Variants in ENTREP2 observed in about 807,000 individuals in gnomAD.
ENTREP2 encodes the protein endosomal transmembrane epsin interactor 2.
the ENTREP2 span, among the ~76,000 whole-genome samples, chr15:29,306,364 C>T: frequency 7.2e-5 from 11 of 152,128 alleles, no homozygotes; most frequent in African/African-American, 2.4e-5. Flanking sequence ...CAAGGCGGTG[C>T]ACCTGAATAT....
chr15:29,273,216 T>TTTTA, the ENTREP2 span, among the ~76,000 whole-genome samples: 1 of 151,056 alleles, frequency 6.6e-6, no homozygotes, highest in African/African-American at 2.4e-5. Flanking sequence ...TTTTTTTTTT[T>TTTTA]GAGATGGAGT....
the ENTREP2 span, among the ~76,000 whole-genome samples, chr15:29,626,912 CTG>C: frequency 6.6e-6 from 1 of 152,028 alleles, no homozygotes; most frequent in African/African-American, 2.4e-5. Flanking sequence ...TAAAAATAAA[CTG>C]TCTTTATTGT....
At chr15:29,298,809 C>A in the ENTREP2 span, among the ~76,000 whole-genome samples, 1 of 152,164 alleles carries the variant, frequency 6.6e-6, no homozygotes, top group Non-Finnish European at 1.5e-5. Flanking sequence ...TACTACCAGT[C>A]TTACATGAAC....
At chr15:29,293,536 A>C in the ENTREP2 span, among the ~76,000 whole-genome samples, 8 of 151,908 alleles carry the variant, frequency 5.3e-5, no homozygotes, top group Admixed American at 1.3e-4. Context: ...GATTACAGGC[A>C]TGAGCCACCG....
the ENTREP2 span, among the ~76,000 whole-genome samples, chr15:29,453,462 G>A: frequency 1.3e-5 from 2 of 152,186 alleles, no homozygotes; most frequent in South Asian, 2.1e-4. Flanking sequence ...AGGATTCTTC[G>A]CAGAGGTCTG....
the ENTREP2 span, among the ~76,000 whole-genome samples, chr15:29,124,518 C>G: frequency 2.0e-5 from 3 of 152,056 alleles, no homozygotes; most frequent in African/African-American, 4.8e-5. Context: ...ATAAGTGCAC[C>G]GAGAGACAAA....
At chr15:29,347,240 T>C in the ENTREP2 span, among the ~76,000 whole-genome samples, 1 of 152,222 alleles carries the variant, frequency 6.6e-6, no homozygotes, top group African/African-American at 2.4e-5. Flanking sequence ...AGCTTCACCA[T>C]TATAGCTCAC....
chr15:29,420,233 G>GA, the ENTREP2 span, among the ~76,000 whole-genome samples: 1 of 152,210 alleles, frequency 6.6e-6, no homozygotes, highest in African/African-American at 2.4e-5. Flanking sequence ...TAGATATGCT[G>GA]AAAGGAAGCA....
the ENTREP2 span, among the ~76,000 whole-genome samples, chr15:29,398,852 G>A: frequency 2.0e-5 from 3 of 152,198 alleles, no homozygotes; most frequent in Non-Finnish European, 4.4e-5. Flanking sequence ...TTGGGCCGTG[G>A]GTGGGACTGT....
chr15:29,653,231 A>AT, the ENTREP2 span, among the ~76,000 whole-genome samples: 1 of 152,222 alleles, frequency 6.6e-6, no homozygotes, highest in African/African-American at 2.4e-5. Context: ...CACCACACTG[A>AT]TTAATACTTG....
the ENTREP2 span, among the ~76,000 whole-genome samples, chr15:29,300,509 G>T: frequency 1.3e-5 from 2 of 152,286 alleles, no homozygotes; most frequent in African/African-American, 4.8e-5. Flanking sequence ...TGGAATATAT[G>T]TTGCTATTAG....
At chr15:29,673,785 T>A in the ENTREP2 span, among the ~76,000 whole-genome samples, 1 of 152,320 alleles carries the variant, frequency 6.6e-6, no homozygotes, top group South Asian at 2.1e-4. Flanking sequence ...CCAAAGTTAG[T>A]TCATGCCCAG....
At chr15:29,355,908 T>C in the ENTREP2 span, among the ~76,000 whole-genome samples, 1 of 152,090 alleles carries the variant, frequency 6.6e-6, no homozygotes, top group Non-Finnish European at 1.5e-5. Flanking sequence ...GAGTTCCCTA[T>C]GTAAAATTAA....
chr15:29,268,798 G>A, the ENTREP2 span: 4 of 1,605,606 alleles, frequency 2.5e-6, no homozygotes, highest in African/African-American at 4.0e-5. Flanking sequence ...CTTTCAAGAG[G>A]ATGGAGCTGG....
At chr15:29,442,609 A>G in the ENTREP2 span, among the ~76,000 whole-genome samples, 18 of 152,110 alleles carry the variant, frequency 1.2e-4, no homozygotes, top group African/African-American at 4.3e-4. Flanking sequence ...CACAGCCCCA[A>G]ATCAGGGCAT....
chr15:29,293,474 T>C, the ENTREP2 span, among the ~76,000 whole-genome samples: 1 of 151,806 alleles, frequency 6.6e-6, no homozygotes, highest in African/African-American at 2.4e-5. Context: ...GCCAGGATGG[T>C]CTCGATCTCC....
the ENTREP2 span, chr15:29,269,780 C>A: frequency 2.2e-6 from 3 of 1,348,866 alleles, no homozygotes; most frequent in South Asian, 5.0e-5. Flanking sequence ...CGGCGACCCG[C>A]TAACGCCGGT....
the ENTREP2 span, among the ~76,000 whole-genome samples, chr15:29,397,887 A>C: frequency 6.6e-6 from 1 of 152,176 alleles, no homozygotes; most frequent in Non-Finnish European, 1.5e-5. Flanking sequence ...AAAAATAAGG[A>C]ACAGACCAGT....
At chr15:29,212,748 T>A in the ENTREP2 span, among the ~76,000 whole-genome samples, 1 of 152,218 alleles carries the variant, frequency 6.6e-6, no homozygotes, top group Non-Finnish European at 1.5e-5. Flanking sequence ...TTTGACCCAA[T>A]GCTCATTCAG....
Sources: gnomAD v4.1 joint callset for allele counts (sites outside exome capture counted in the v4.1 genomes callset) on GRCh38, gnomAD v4.1.1 for gene constraint, MANE v1.5 for transcripts, NCBI Gene and HGNC (gene_info 2026-07-23, HGNC 2026-07-21) for gene names.